Variants in NAALAD2 observed in about 807,000 individuals in gnomAD.
NAALAD2 encodes the protein N-acetylated-alpha-linked acidic dipeptidase 2.
In NAALAD2, 89 loss-of-function variants were observed where a neutral mutation model predicts 95.6. That is an observed-to-expected ratio of 0.93 (90% confidence interval 0.78 to 1.11). The LOEUF (loss-of-function observed/expected upper bound fraction) is 1.11, where lower values mean the gene tolerates loss of function less well. Ranked by LOEUF, NAALAD2 falls within the 50% of genes least tolerant of loss-of-function variation. NAALAD2 has a pLI of 0.00. For missense variants in NAALAD2, 894 were observed against 872.4 expected (o/e 1.02, Z -0.31); for synonymous variants, 264 against 294.4 (o/e 0.90, Z 1.06).
rs879430463 is a variant in NAALAD2, at chr11:90,192,568, T to C, written c.*821T>C. ...AAACTTAAAATATATATAAAATTTATTGTATGAAAATTAAGCCTCAATAAA... is the reference window on the plus strand; with the variant it reads ...AAACTTAAAATATATATAAAATTTACTGTATGAAAATTAAGCCTCAATAAA... On this transcript the variant is annotated 3_prime_UTR_variant, in exon 19 of 19. Transcript: ENST00000534061. 9 of 151,990 alleles carry C rather than the reference T, an allele frequency of 5.9e-5. No homozygotes were observed. Among genetic ancestry groups the C allele is most frequent in the Non-Finnish European group, 7.4e-5 (5 of 67,912 alleles). 9.4% of individuals were successfully genotyped at this position (151,990 alleles called of 1,614,324 possible). A position where few individuals can be genotyped will look rare whatever the true frequency, so the allele number is the denominator to read the frequency against.
intron 11 of NAALAD2, chr11:90,163,954 T>A: frequency 2.4e-6 from 1 of 418,430 alleles, no homozygotes; most frequent in East Asian, 3.7e-5. Context: ...TAAAAACTGA[T>A]ACAGATGCTT....
At chr11:90,181,557 G>T (rs1228247941) in intron 16 of NAALAD2, 63 bp from the exon 17 acceptor site, 1 of 1,115,942 alleles carries the variant, frequency 9.0e-7, no homozygotes, top group Admixed American at 1.8e-5. Context: ...AATGGGGAGG[G>T]TGGGAAAGCG....
At chr11:90,150,439 CT>C in intron 4 of NAALAD2, 42 bp from the exon 5 acceptor site, 1 of 1,089,524 alleles carries the variant, frequency 9.2e-7, no homozygotes, top group Non-Finnish European at 1.3e-6. Flanking sequence ...TTTTTTTTTT[CT>C]TTAATTTTAG....
intron 8 of NAALAD2, among the ~76,000 whole-genome samples, chr11:90,161,206 T>G (rs1952287240): frequency 6.7e-6 from 1 of 149,632 alleles, no homozygotes; most frequent in South Asian, 2.1e-4. Context: ...TACCTCAGAG[T>G]GGAGCCTCCA....
rs141357821 is a variant in NAALAD2 at position 90,184,162 on chromosome 11, T to C, written c.2033+1154T>C. On this transcript the variant is annotated intron_variant, in intron 18 of 18. Transcript: ENST00000534061. ...GATAATTGCTACTTTAAAGGCTATT[T>C]ATCATCAAATAATATGCAAAAAAGG... 3.3e-5 allele frequency among the ~76,000 whole-genome samples: 5 copies of C among 152,302 alleles called. No homozygotes were observed. In the East Asian group the frequency reaches 7.7e-4, roughly 23 times the overall value.
At chr11:90,148,573 T>A (rs547563838) in intron 3 of NAALAD2, among the ~76,000 whole-genome samples, 1 of 152,132 alleles carries the variant, frequency 6.6e-6, no homozygotes, top group Non-Finnish European at 1.5e-5. Flanking sequence ...CATAAGCATA[T>A]TAGCTATTGG....
At chr11:90,175,940 G>GTGTA in intron 14 of NAALAD2, 32 bp from the exon 15 acceptor site, 1 of 1,262,522 alleles carries the variant, frequency 7.9e-7, no homozygotes, top group African/African-American at 1.5e-5. Flanking sequence ...GTGTGTGTGT[G>GTGTA]TGTGTGTGTG....
At chr11:90,186,486 C>A (rs1435584757) in intron 18 of NAALAD2, among the ~76,000 whole-genome samples, 1 of 152,118 alleles carries the variant, frequency 6.6e-6, no homozygotes, top group Non-Finnish European at 1.5e-5. Context: ...CCGCAATAAA[C>A]ATGTGTGCAT....
intron 14 of NAALAD2, among the ~76,000 whole-genome samples, chr11:90,175,111 T>G (rs879639662): frequency 4.6e-5 from 7 of 152,186 alleles, no homozygotes; most frequent in Non-Finnish European, 1.0e-4. Flanking sequence ...ATATTTCTGG[T>G]CCCAAGCATT....
At chr11:90,133,993 G>A (rs974185520), upstream of NAALAD2, among the ~76,000 whole-genome samples, 1 of 152,084 alleles carries the variant, frequency 6.6e-6, no homozygotes, top group African/African-American at 2.4e-5. Flanking sequence ...TGGCTTCTTC[G>A]GTTTAGCATG....
intron 13 of NAALAD2, among the ~76,000 whole-genome samples, chr11:90,172,605 A>T (rs1360741135): frequency 6.6e-6 from 1 of 152,138 alleles, no homozygotes; most frequent in Non-Finnish European, 1.5e-5. Context: ...TCATCCCCAC[A>T]TCTCTTTATA....
rs566151020 is a variant in NAALAD2, at chr11:90,140,633, T to C, written c.194+4963T>C. Among the ~76,000 whole-genome samples the C allele has an allele frequency of 1.2e-4, 18 of 152,224 alleles. No homozygotes were observed. The South Asian group carries it at 3.5e-3, about 30-fold the overall frequency. On this transcript the variant is annotated intron_variant, in intron 2 of 18. Coordinates refer to ENST00000534061, the MANE Select transcript of NAALAD2 (RefSeq NM_005467.4). The stretch of plus-strand genomic sequence containing the variant: ...CTAGATATAAGTCTTTTGTTGGAAA[T>C]GCAGTGAACAAATATTTTTTCCCAG...
chr11:90,175,812 G>A (rs1363225910), intron 14 of NAALAD2, among the ~76,000 whole-genome samples, 160 bp from the exon 15 acceptor site: 1 of 152,162 alleles, frequency 6.6e-6, no homozygotes, highest in African/African-American at 2.4e-5. Context: ...ATGGGAAAAT[G>A]TCTTGATGGT....
chr11:90,186,228 C>A (rs1336150202), intron 18 of NAALAD2, among the ~76,000 whole-genome samples: 1 of 146,866 alleles, frequency 6.8e-6, no homozygotes, highest in East Asian at 2.1e-4. Context: ...CTTCCTGTGT[C>A]CATGTGATCT....
intron 13 of NAALAD2, among the ~76,000 whole-genome samples, chr11:90,173,181 A>G (rs1952689329): frequency 6.6e-6 from 1 of 152,150 alleles, no homozygotes. Flanking sequence ...AAAAATGTAT[A>G]TATATACACA....
At chr11:90,175,214 T>G (rs1325420395) in intron 14 of NAALAD2, among the ~76,000 whole-genome samples, 1 of 152,152 alleles carries the variant, frequency 6.6e-6, no homozygotes, top group African/African-American at 2.4e-5. Flanking sequence ...AGTTTGAATG[T>G]GGGTCCATTA....
rs180944310 is a variant in NAALAD2, at chr11:90,148,472, G to A, written c.382-534G>A. 4.6e-5 allele frequency among the ~76,000 whole-genome samples: 7 copies of A among 152,086 alleles called. No homozygotes were observed. The East Asian group carries it at 1.4e-3, about 29-fold the overall frequency. ...CAAAAGCAGGCCCAGGGTGAGAGAT[G>A]ATAAATTTGAATTTTAACATGTTGA... On this transcript the variant is annotated intron_variant, in intron 3 of 18. Coordinates refer to ENST00000534061, the MANE Select transcript of NAALAD2 (RefSeq NM_005467.4).
intron 2 of NAALAD2, among the ~76,000 whole-genome samples, chr11:90,144,755 A>AAAAAAAAAAC (rs1951709818): frequency 1.4e-5 from 2 of 145,670 alleles, no homozygotes; most frequent in Admixed American, 1.4e-4. Flanking sequence ...AAAAAAAAAA[A>AAAAAAAAAAC]CGGAAAAGAA....
chr11:90,141,623 G>A (rs888911450), intron 2 of NAALAD2, among the ~76,000 whole-genome samples: 1 of 151,576 alleles, frequency 6.6e-6, no homozygotes, highest in Admixed American at 6.6e-5. Context: ...TTGGTTTTGG[G>A]GGGGTTTTCT....
Sources: allele counts gnomAD v4.1 joint callset (sites outside exome capture counted in the v4.1 genomes callset), GRCh38; gene constraint gnomAD v4.1.1; transcripts MANE v1.5; gene names NCBI Gene and HGNC (gene_info 2026-07-23, HGNC 2026-07-21).